Variants in PRIMPOL observed in about 807,000 individuals in gnomAD.
PRIMPOL encodes the protein DNA-directed primase/polymerase protein.
A neutral mutation model predicts 63.6 loss-of-function variants in PRIMPOL; 54 were observed. That is an observed-to-expected ratio of 0.85 (90% CI 0.68 to 1.07). The LOEUF (loss-of-function observed/expected upper bound fraction) is 1.07, where lower values mean the gene tolerates loss of function less well. Ranked by LOEUF, PRIMPOL falls within the 50% of genes least tolerant of loss-of-function variation. The pLI is 0.00. For missense variants in PRIMPOL, 610 were observed against 648.3 expected (o/e 0.94, Z 0.64); for synonymous variants, 197 against 220.2 (o/e 0.89, Z 0.93).
In PRIMPOL at chr4:184,691,539, T is replaced by C; in HGVS notation, c.1336T>C (p.Cys446Arg). The change falls in exon 12 of 14, where the codon TGT (cysteine) becomes CGT (arginine). Residue 446 changes from cysteine to arginine, a missense_variant. Physicochemically the swap from Cys to Arg is radical, Grantham distance 180 (BLOSUM62 -3). Coordinates refer to ENST00000314970, the MANE Select transcript of PRIMPOL (RefSeq NM_152683.4). ...DLKNEVWYQK[C>R]HDPVCKAENF... Reference sequence around the variant, plus strand: ...GAAAAATGAAGTTTGGTATCAAAAATGTCATGACCCTGTATGTAAAGCAGA... The same window carrying C: ...GAAAAATGAAGTTTGGTATCAAAAACGTCATGACCCTGTATGTAAAGCAGA... The C allele has an allele frequency of 6.2e-7, 1 of 1,608,374 alleles. No individual in the cohort carries two copies. The highest frequency in any genetic ancestry group is 2.2e-5 in the East Asian group (1 of 44,786).
At chr4:184,694,479 AT>A in intron 13 of PRIMPOL, 42 bp from the exon 14 acceptor site, 1 of 1,585,916 alleles carries the variant, frequency 6.3e-7, no homozygotes, top group South Asian at 1.1e-5. Context: ...CTGAGTAAAT[AT>A]TTTCCTATCC....
At chr4:184,667,313 G>C (rs1750211346) in intron 6 of PRIMPOL, among the ~76,000 whole-genome samples, 1 of 41,482 alleles carries the variant, frequency 2.4e-5, no homozygotes, top group South Asian at 1.5e-3. Flanking sequence ...AACAGTGAAA[G>C]TGAGACTTTT....
At chr4:184,680,329 A>G (rs1192058661) in intron 8 of PRIMPOL, among the ~76,000 whole-genome samples, 1 of 152,162 alleles carries the variant, frequency 6.6e-6, no homozygotes, top group Non-Finnish European at 1.5e-5. Context: ...CTGGGACTAC[A>G]GGTGTGTGCC....
At chr4:184,674,274 A>G (rs1176402528) in intron 7 of PRIMPOL, among the ~76,000 whole-genome samples, 3 of 152,232 alleles carry the variant, frequency 2.0e-5, no homozygotes, top group Non-Finnish European at 2.9e-5. Flanking sequence ...GAGATTTCAT[A>G]ATATATGCTG....
In PRIMPOL at chr4:184,691,897, CTTTT is replaced by C. The variant is rs10567357; in HGVS notation, c.1425+198_1425+201del. On this transcript the variant is annotated intron_variant, in intron 13 of 13. Transcript: ENST00000314970. ...TCAGCACATATCTGATAATACAAAC[CTTTT>C]TTTTTTTTTTTTACTGCTGCTTGAG... 6.1e-3 allele frequency among the ~76,000 whole-genome samples: 857 copies of C among 140,494 alleles called. 6 individuals are homozygous for C. The highest frequency in any genetic ancestry group is 0.021 in the African/African-American group (811 of 38,670). The allele number at this position is 140,494 out of a possible 152,430, so 92.2% of individuals were successfully genotyped here.
intron 11 of PRIMPOL, among the ~76,000 whole-genome samples, chr4:184,690,616 C>T (rs1199417127): frequency 6.6e-6 from 1 of 152,122 alleles, no homozygotes; most frequent in Non-Finnish European, 1.5e-5. Flanking sequence ...CCCCCCACCA[C>T]GCCCAGCTAA....
Position 184,671,737 on chromosome 4 carries a change from G to T in PRIMPOL, c.557-436G>T, listed in dbSNP as rs1307642816. Among the ~76,000 whole-genome samples the T allele has an allele frequency of 4.4e-4, 54 of 122,402 alleles. No individual in the cohort carries two copies. In the East Asian group the frequency reaches 0.013, roughly 29 times the overall value. The allele number at this position is 122,402 out of a possible 152,430, so 80.3% of individuals were successfully genotyped here. The stretch of plus-strand genomic sequence containing the variant: ...GGCATATAACAATTTATAGCGACTC[G>T]GTTTTTTTTTTTTTTTTTTTGGTAA... On this transcript the variant is annotated intron_variant, in intron 6 of 13. Coordinates refer to ENST00000314970, the MANE Select transcript of PRIMPOL (RefSeq NM_152683.4).
chr4:184,663,593 A>G (rs1749007023), intron 5 of PRIMPOL, among the ~76,000 whole-genome samples: 1 of 152,244 alleles, frequency 6.6e-6, no homozygotes, highest in Non-Finnish European at 1.5e-5. Context: ...AAGACCATGT[A>G]GGTGTTTAGA....
chr4:184,649,865 G>C lies in PRIMPOL; in HGVS notation c.-181G>C, dbSNP rs1003167083. The C allele has an allele frequency of 6.6e-6, 1 of 152,336 alleles. No homozygotes were observed. Among genetic ancestry groups the C allele is most frequent in the Non-Finnish European group, 1.5e-5 (1 of 68,106 alleles). 9.4% of individuals were successfully genotyped at this position (152,336 alleles called of 1,614,324 possible). Reference sequence around the variant, plus strand: ...GAGACAAAGCCAGGCCTGCTGCCCAGTTTGAGCTCTGGGAAGAAGAGGAGC... The same window carrying C: ...GAGACAAAGCCAGGCCTGCTGCCCACTTTGAGCTCTGGGAAGAAGAGGAGC... On this transcript the variant is annotated 5_prime_UTR_variant, in exon 1 of 14. Coordinates refer to ENST00000314970, the MANE Select transcript of PRIMPOL (RefSeq NM_152683.4).
intron 11 of PRIMPOL, among the ~76,000 whole-genome samples, chr4:184,686,754 A>C (rs1395496061): frequency 6.6e-6 from 1 of 152,122 alleles, no homozygotes; most frequent in Non-Finnish European, 1.5e-5. Flanking sequence ...CTTGCTGGGA[A>C]GCTGGAAACA....
rs56194967 is a variant in PRIMPOL, at chr4:184,657,331, C to T, written c.180+11C>T. 0.097 allele frequency: 153,953 copies of T among 1,584,580 alleles called. 8,043 individuals carry two copies. Among genetic ancestry groups the T allele is most frequent in the Middle Eastern group, 0.12 (693 of 5,972 alleles). The stretch of plus-strand genomic sequence containing the variant: ...AAAAGCTGTAAAGAAGTAATTTCCT[C>T]CTCCTCCTCTTCTTCTTCCTCCTCT... On this transcript the variant is annotated intron_variant, in intron 3 of 13. Coordinates refer to ENST00000314970, the MANE Select transcript of PRIMPOL (RefSeq NM_152683.4).
chr4:184,663,018 TTTATTATTA>T (rs70962516), intron 5 of PRIMPOL, among the ~76,000 whole-genome samples: 102 of 138,760 alleles, frequency 7.4e-4, no homozygotes, highest in South Asian at 1.6e-3. Context: ...ATTTTAAACC[TTTATTATTA>T]TTATTATTAT....
chr4:184,666,114 T>C (rs759097874), intron 6 of PRIMPOL, 50 bp downstream of exon 6: 2 of 1,414,982 alleles, frequency 1.4e-6, no homozygotes, highest in East Asian at 4.7e-5. Flanking sequence ...AAAACTCATA[T>C]GTTCTTATTC....
At chr4:184,656,317 T>A (rs1281118782) in intron 2 of PRIMPOL, among the ~76,000 whole-genome samples, 2 of 152,080 alleles carry the variant, frequency 1.3e-5, no homozygotes, top group African/African-American at 4.8e-5. Flanking sequence ...TTAGGTGCCA[T>A]CTCTTGATGG....
At chr4:184,674,770 G>A (rs1343356788) in intron 7 of PRIMPOL, among the ~76,000 whole-genome samples, 1 of 152,116 alleles carries the variant, frequency 6.6e-6, no homozygotes, top group Non-Finnish European at 1.5e-5. Flanking sequence ...TAAGGAAGAG[G>A]GAACATATTT....
intron 6 of PRIMPOL, among the ~76,000 whole-genome samples, 186 bp from the exon 7 acceptor site, chr4:184,671,987 G>A (rs372055605): frequency 5.9e-4 from 90 of 152,118 alleles, no homozygotes; most frequent in East Asian, 1.7e-3. Flanking sequence ...TGATCCGCCC[G>A]CCTCGGCCTC....
intron 6 of PRIMPOL, among the ~76,000 whole-genome samples, chr4:184,668,237 A>C (rs1750616134): frequency 6.6e-6 from 1 of 152,164 alleles, no homozygotes; most frequent in Non-Finnish European, 1.5e-5. Flanking sequence ...TGAGCTCCTC[A>C]TCCTTCCCCA....
chr4:184,655,174 T>TA (rs1172916922), intron 2 of PRIMPOL, among the ~76,000 whole-genome samples: 1 of 151,832 alleles, frequency 6.6e-6, no homozygotes, highest in Non-Finnish European at 1.5e-5. Context: ...CACGCCTGGC[T>TA]AATTTTTGTA....
chr4:184,659,769 A>T (rs975034390), intron 4 of PRIMPOL, among the ~76,000 whole-genome samples: 1 of 152,184 alleles, frequency 6.6e-6, no homozygotes, highest in African/African-American at 2.4e-5. Flanking sequence ...TATCTGCTTT[A>T]TCTTGACTTT....
Sources: allele counts gnomAD v4.1 joint callset (sites outside exome capture counted in the v4.1 genomes callset), GRCh38; gene constraint gnomAD v4.1.1; transcripts MANE v1.5; gene names NCBI Gene and HGNC (gene_info 2026-07-23, HGNC 2026-07-21).